Variants in PRKCE observed in about 807,000 individuals in gnomAD.
PRKCE encodes the protein protein kinase C epsilon type.
PRKCE carries 16 observed loss-of-function variants against 85.4 expected under a neutral mutation model. That is an observed-to-expected ratio of 0.19 (90% CI 0.13 to 0.28). The LOEUF is 0.28. PRKCE is among the 10% of genes least tolerant of loss of function. PRKCE has a pLI of 1.00. For synonymous variants in PRKCE, 388 were observed against 371.5 expected, an observed-to-expected ratio of 1.04 and a Z score of -0.51; for missense variants, 573 against 975.2, an observed-to-expected ratio of 0.59 and a Z score of 5.49.
At chr2:45,885,880 C>A (rs1695261855) in intron 2 of PRKCE, among the ~76,000 whole-genome samples, 1 of 152,210 alleles carries the variant, frequency 6.6e-6, no homozygotes, top group South Asian at 2.1e-4. Context: ...ATTTTAAGTG[C>A]ACGAGGGAGC....
At chr2:46,051,748 C>T (rs925295227) in intron 10 of PRKCE, among the ~76,000 whole-genome samples, 1 of 152,164 alleles carries the variant, frequency 6.6e-6, no homozygotes, top group Non-Finnish European at 1.5e-5. Context: ...TGTTCTCACA[C>T]CGCTATAAAG....
At chr2:45,810,220 TA>T (rs1688558005) in intron 1 of PRKCE, among the ~76,000 whole-genome samples, 1 of 151,936 alleles carries the variant, frequency 6.6e-6, no homozygotes. Context: ...TTTGTATTTT[TA>T]GTAGAGACGG....
chr2:45,687,878 G>A (rs1041016877), intron 1 of PRKCE, among the ~76,000 whole-genome samples: 2 of 152,344 alleles, frequency 1.3e-5, no homozygotes, highest in South Asian at 2.1e-4. Flanking sequence ...TTAGGTTCTC[G>A]CTTGCTTTTG....
At chr2:45,931,037 G>T (rs2104046217) in intron 2 of PRKCE, among the ~76,000 whole-genome samples, 1 of 152,200 alleles carries the variant, frequency 6.6e-6, no homozygotes, top group African/African-American at 2.4e-5. Context: ...ACTCTGTAAG[G>T]TCACTACTGT....
chr2:45,882,807 G>T (rs915040965), intron 2 of PRKCE, among the ~76,000 whole-genome samples: 1 of 152,218 alleles, frequency 6.6e-6, no homozygotes, highest in Non-Finnish European at 1.5e-5. Context: ...AAATGTTCAC[G>T]TGTTACCTCC....
chr2:45,884,982 TATATATATATA>T lies in PRKCE; in HGVS notation c.412+41920_412+41930del, dbSNP rs1217336985. 1.9e-4 allele frequency among the ~76,000 whole-genome samples: 14 copies of T among 72,254 alleles called. 1 individual carries two copies. Among genetic ancestry groups the T allele is most frequent in the Middle Eastern group, 6.0e-3 (1 of 166 alleles). The allele number at this position is 72,254 out of a possible 152,430, so 47.4% of individuals were successfully genotyped here. On this transcript the variant is annotated intron_variant, in intron 2 of 14. Transcript: ENST00000306156. ...ATATATATATATATATATATATATATATATATATATATATATATATTTGTTGTTGTTGTTGT... is the reference window on the plus strand; with the variant it reads ...ATATATATATATATATATATATATATTATATATATTTGTTGTTGTTGTTGT...
intron 10 of PRKCE, among the ~76,000 whole-genome samples, chr2:46,065,831 G>A (rs913272394): frequency 2.0e-5 from 3 of 148,286 alleles, no homozygotes; most frequent in African/African-American, 7.6e-5. Flanking sequence ...GTTTGCAAAC[G>A]TTTAAAAAAT....
At chr2:46,180,745 A>G (rs912208637) in intron 14 of PRKCE, among the ~76,000 whole-genome samples, 1 of 152,232 alleles carries the variant, frequency 6.6e-6, no homozygotes, top group Admixed American at 6.5e-5. Flanking sequence ...TCAGTCCTCA[A>G]GGAAACCTAT....
At chr2:45,901,250 C>T (rs111495722) in intron 2 of PRKCE, among the ~76,000 whole-genome samples, 1 of 152,174 alleles carries the variant, frequency 6.6e-6, no homozygotes, top group Non-Finnish European at 1.5e-5. Context: ...GTGTTGAGTA[C>T]TCCTAATCGG....
At chr2:46,054,709 C>A (rs1163848675) in intron 10 of PRKCE, among the ~76,000 whole-genome samples, 1 of 152,198 alleles carries the variant, frequency 6.6e-6, no homozygotes, top group Non-Finnish European at 1.5e-5. Context: ...TACCCTCAAG[C>A]CTAATACCGT....
At chr2:46,151,288 C>G in intron 13 of PRKCE, 59 bp downstream of exon 13, 2 of 717,886 alleles carry the variant, frequency 2.8e-6, no homozygotes, top group Non-Finnish European at 4.3e-6. Flanking sequence ...CCTACACACA[C>G]ACACACACAC....
At chr2:45,832,228 G>T (rs1420012665) in intron 1 of PRKCE, among the ~76,000 whole-genome samples, 1 of 152,124 alleles carries the variant, frequency 6.6e-6, no homozygotes, top group Admixed American at 6.5e-5. Context: ...CTATTTTGCT[G>T]TGGGTTTAGT....
chr2:45,797,105 A>G (rs1232654351), intron 1 of PRKCE, among the ~76,000 whole-genome samples: 1 of 152,220 alleles, frequency 6.6e-6, no homozygotes, highest in African/African-American at 2.4e-5. Flanking sequence ...CTTGCTGTCT[A>G]GCGTTTGATG....
At chr2:45,888,682 C>G (rs943316604) in intron 2 of PRKCE, among the ~76,000 whole-genome samples, 4 of 152,040 alleles carry the variant, frequency 2.6e-5, no homozygotes, top group African/African-American at 9.7e-5. Flanking sequence ...GAACTCCTGG[C>G]CTCTGGTGAT....
At chr2:46,006,678 AGTAAAGC>A (rs1487299588) in intron 8 of PRKCE, among the ~76,000 whole-genome samples, 1 of 152,234 alleles carries the variant, frequency 6.6e-6, no homozygotes, top group Non-Finnish European at 1.5e-5. Context: ...AGTTGCTAAC[AGTAAAGC>A]TTCTTCAAAT....
At chr2:45,837,674 A>G (rs535873829) in intron 1 of PRKCE, among the ~76,000 whole-genome samples, 7 of 152,224 alleles carry the variant, frequency 4.6e-5, no homozygotes, top group African/African-American at 1.4e-4. Flanking sequence ...ACACTGCATG[A>G]TATAATGGCC....
At chr2:45,763,390 G>A (rs896755005) in intron 1 of PRKCE, among the ~76,000 whole-genome samples, 3 of 152,168 alleles carry the variant, frequency 2.0e-5, no homozygotes, top group Admixed American at 1.3e-4. Flanking sequence ...GGATGATTAA[G>A]CCTAAGCTTA....
At position 46,155,807 on chromosome 2, in the gene PRKCE, A is replaced by G; in HGVS notation, c.1921-3799A>G. 6.6e-6 allele frequency among the ~76,000 whole-genome samples: 1 copy of G among 151,600 alleles called. No homozygotes were observed. Among genetic ancestry groups the G allele is most frequent in the South Asian group, 2.1e-4 (1 of 4,790 alleles). On this transcript the variant is annotated intron_variant, in intron 13 of 14. Transcript: ENST00000306156. The surrounding 1 kb of genome is among the most constrained non-coding windows in gnomAD (Gnocchi z 4.7). ...ACCTTTCTCCATCCTTCTCCCCACT[A>G]TCCCCATTGGAGCCACCACCGCCTC...
rs139284156 is a variant in PRKCE at position 46,138,212 on chromosome 2, T to A, written c.1593-6881T>A. Among the ~76,000 whole-genome samples, 3 of 152,326 alleles carry A rather than the reference T, an allele frequency of 2.0e-5. No homozygotes were observed. The highest frequency in any genetic ancestry group is 3.9e-4 in the East Asian group (2 of 5,190). ...CTGCCTTGAAGTGGGTCTGCCCTGGTAGAGTCTGTGATCCCTTGTGCTCCA... is the reference window on the plus strand; with the variant it reads ...CTGCCTTGAAGTGGGTCTGCCCTGGAAGAGTCTGTGATCCCTTGTGCTCCA... On this transcript the variant is annotated intron_variant, in intron 11 of 14. Transcript: ENST00000306156. This position sits in a 1 kb window ranked among gnomAD's most constrained non-coding sequence, Gnocchi z 4.2.
Sources: allele counts gnomAD v4.1 joint callset (sites outside exome capture counted in the v4.1 genomes callset), GRCh38; gene constraint gnomAD v4.1.1; non-coding constraint Gnocchi (gnomAD v3.1); transcripts MANE v1.5; gene names NCBI Gene and HGNC (gene_info 2026-07-23, HGNC 2026-07-21).